The following NUTM2G variants were observed in gnomAD, a reference collection of about 807,000 sequenced individuals.
NUTM2G encodes family with sequence similarity 22, member G.
NUTM2G carries 29 observed loss-of-function variants against 44.3 expected under a neutral mutation model. The observed-to-expected ratio is 0.66, with a 90% CI of 0.49 to 0.89. NUTM2G has a LOEUF of 0.89. NUTM2G is among the 40% of genes least tolerant of loss of function. The pLI, the probability that NUTM2G is intolerant of heterozygous loss-of-function variation, is 0.00. For synonymous variants in NUTM2G, 205 were observed against 395.9 expected, an observed-to-expected ratio of 0.52 and a Z score of 5.72; for missense variants, 502 against 946.5, an observed-to-expected ratio of 0.53 and a Z score of 6.16.
intron 6 of NUTM2G, 56 bp from the exon 7 acceptor site, chr9:96,938,307 TC>T: frequency 8.8e-7 from 1 of 1,136,836 alleles, no homozygotes; most frequent in African/African-American, 1.5e-5. Context: ...TCTCCACCAT[TC>T]TGGGCCCTGC....
At chr9:96,935,579 C>A in intron 3 of NUTM2G, 123 bp downstream of exon 3, 1 of 1,570,528 alleles carries the variant, frequency 6.4e-7, no homozygotes, top group East Asian at 2.3e-5. Flanking sequence ...CACAGGACGC[C>A]CTGGGCCCCT....
chr9:96,936,657 G>T, intron 4 of NUTM2G, 93 bp downstream of exon 4: 1 of 1,491,764 alleles, frequency 6.7e-7, no homozygotes, highest in Non-Finnish European at 8.9e-7. Flanking sequence ...CCCTTCAAGA[G>T]GGGGATTTGC....
intron 5 of NUTM2G, among the ~76,000 whole-genome samples, 184 bp from the exon 6 acceptor site, chr9:96,937,701 C>G (rs1443918298): frequency 6.8e-6 from 1 of 147,866 alleles, no homozygotes; most frequent in Non-Finnish European, 1.5e-5. Context: ...GTTTGTGTGT[C>G]TCTGTATGTG....
intron 2 of NUTM2G, chr9:96,933,889 T>C (rs1342180738): frequency 6.6e-6 from 1 of 152,150 alleles, no homozygotes; most frequent in Non-Finnish European, 1.5e-5. Flanking sequence ...GCTGGGCAGG[T>C]ATTAGCATCT....
At position 96,932,260 on chromosome 9, in the gene NUTM2G, G is replaced by A. The variant is rs1285129791; in HGVS notation, c.555G>A (p.Glu185=). 1.2e-6 allele frequency: 2 copies of A among 1,613,888 alleles called. No individual in the cohort carries two copies. The highest frequency in any genetic ancestry group is 2.2e-5 in the South Asian group (2 of 91,078). ...CATGGCCACAAGGGGCTCATGGAGA[G>A]GGCAGCCTGGCTCCCTCCCAGGCCA... ...AGPWPQGAHG[E]GSLAPSQAKA... Residue 185 remains glutamate (E), a synonymous_variant, in exon 2 of 7, where the codon GAG becomes GAA. Transcript: ENST00000372322.
In NUTM2G at chr9:96,937,323, G is replaced by C; in HGVS notation, c.1242G>C (p.Gln414His). 6.2e-7 allele frequency: 1 copy of C among 1,613,950 alleles called. No individual in the cohort carries two copies. Among genetic ancestry groups the C allele is most frequent in the Non-Finnish European group, 8.5e-7 (1 of 1,179,874 alleles). Residue 414 changes from glutamine to histidine, a missense_variant, in exon 5 of 7, where the codon CAG becomes CAC. By Grantham distance (24) the Gln-to-His change is conservative (BLOSUM62 0). Coordinates refer to ENST00000372322, the MANE Select transcript of NUTM2G (RefSeq NM_001170741.3). ...AAAAGGGCAAAGTGGAGCAGCCGCAGGAAGAGGACGGGATGACCTCAGACC... is the reference window on the plus strand; with the variant it reads ...AAAAGGGCAAAGTGGAGCAGCCGCACGAAGAGGACGGGATGACCTCAGACC... ...QREKGKVEQP[Q>H]EEDGMTSDPG...
rs1368392843 is a variant in NUTM2G, at chr9:96,936,581, T to G, written c.982+17T>G. Reference sequence around the variant, plus strand: ...AGCAGCCAGGTACAGCTTCCCACATTCCCACAGGAGCCATGGCAAAGGCCA... The same window carrying G: ...AGCAGCCAGGTACAGCTTCCCACATGCCCACAGGAGCCATGGCAAAGGCCA... On this transcript the variant is annotated intron_variant, in intron 4 of 6. Transcript: ENST00000372322. The G allele has an allele frequency of 6.4e-7, 1 of 1,550,512 alleles. No homozygotes were observed. Among genetic ancestry groups the G allele is most frequent in the Non-Finnish European group, 8.7e-7 (1 of 1,155,446 alleles).
At chr9:96,941,494 AT>A (rs1826590928), downstream of NUTM2G, among the ~76,000 whole-genome samples, 2 of 150,402 alleles carry the variant, frequency 1.3e-5, no homozygotes, top group Admixed American at 1.3e-4. Flanking sequence ...TAATGATGGG[AT>A]TAGGGCCATG....
chr9:96,929,241 G>A (rs1826167762), intron 1 of NUTM2G, among the ~76,000 whole-genome samples: 1 of 152,154 alleles, frequency 6.6e-6, no homozygotes, highest in Admixed American at 6.5e-5. Flanking sequence ...GGCGGACCAA[G>A]ATGCCTGGGG....
At position 96,929,113 on chromosome 9, in the gene NUTM2G, T is replaced by G. The variant is rs972502960; in HGVS notation, c.16+73T>G. The G allele has an allele frequency of 1.6e-5, 26 of 1,606,122 alleles. 1 individual carries two copies. The highest frequency in any genetic ancestry group is 1.3e-4 in the East Asian group (6 of 44,464). On this transcript the variant is annotated intron_variant, in intron 1 of 6. Coordinates refer to ENST00000372322, the MANE Select transcript of NUTM2G (RefSeq NM_001170741.3). ...TCCTTGGGAATTCAAATTTGAACTG[T>G]CCCTGGGGACAGCTTATAGGGCTGA...
rs549841915 is a variant in NUTM2G, at chr9:96,933,187, C to T, written c.713+769C>T. ...TAGAGACGGGGTTTCACCATGTTAG[C>T]CAGGATGCTCTCAATCTCCTGCCCT... On this transcript the variant is annotated intron_variant, in intron 2 of 6. Coordinates refer to ENST00000372322, the MANE Select transcript of NUTM2G (RefSeq NM_001170741.3). 2.8e-3 allele frequency among the ~76,000 whole-genome samples: 411 copies of T among 145,760 alleles called. 4 individuals carry two copies. Among genetic ancestry groups the T allele is most frequent in the African/African-American group, 9.3e-3 (366 of 39,452 alleles).
At chr9:96,933,326 G>C (rs1826330328) in intron 2 of NUTM2G, among the ~76,000 whole-genome samples, 1 of 151,816 alleles carries the variant, frequency 6.6e-6, no homozygotes. Flanking sequence ...ACCCAGGTCA[G>C]AGAGGGTTCT....
intron 5 of NUTM2G, 22 bp from the exon 6 acceptor site, chr9:96,937,863 A>G: frequency 6.2e-7 from 1 of 1,600,432 alleles, no homozygotes; most frequent in Non-Finnish European, 8.5e-7. Context: ...GGAAGTTCAC[A>G]CCTTCTTCCT....
In NUTM2G at chr9:96,937,120, A is replaced by G; in HGVS notation, c.1039A>G (p.Arg347Gly). 1 of 1,611,666 alleles carries G rather than the reference A, an allele frequency of 6.2e-7. No individual in the cohort carries two copies. The highest frequency in any genetic ancestry group is 8.5e-7 in the Non-Finnish European group (1 of 1,179,726). The change falls in exon 5 of 7, where the codon AGG becomes GGG. Residue 347 changes from arginine (R) to glycine (G), a missense_variant. By Grantham distance (125) the Arg-to-Gly change is moderately radical. Coordinates refer to ENST00000372322, the MANE Select transcript of NUTM2G (RefSeq NM_001170741.3). Reference protein sequence around the residue: ...KAPTACLPPPRPQRPAETKAH... With the variant: ...KAPTACLPPPGPQRPAETKAH... Reference sequence around the variant, plus strand: ...CCCGACTGCCTGCCTGCCACCACCCAGGCCCCAGAGGCCAGCGGAGACCAA... The same window carrying G: ...CCCGACTGCCTGCCTGCCACCACCCGGGCCCCAGAGGCCAGCGGAGACCAA...
At chr9:96,932,487 A>T in intron 2 of NUTM2G, 69 bp downstream of exon 2, 1 of 1,132,614 alleles carries the variant, frequency 8.8e-7, no homozygotes, top group Non-Finnish European at 1.3e-6. Context: ...GATGGACAGG[A>T]GGTCACACTG....
chr9:96,937,730 T>C (rs564654571), intron 5 of NUTM2G, among the ~76,000 whole-genome samples, 155 bp from the exon 6 acceptor site: 2 of 152,196 alleles, frequency 1.3e-5, no homozygotes, highest in East Asian at 1.9e-4. Context: ...ATGAGGTCTG[T>C]GGTCTGTGCG....
At chr9:96,938,130 G>A (rs1488663891) in intron 6 of NUTM2G, 129 bp downstream of exon 6, 1 of 806,660 alleles carries the variant, frequency 1.2e-6, no homozygotes, top group Non-Finnish European at 2.0e-6. Context: ...ACTCCGGGGT[G>A]GGAAGATGCA....
At chr9:96,937,751 G>A in intron 5 of NUTM2G, 134 bp from the exon 6 acceptor site, 1 of 1,126,608 alleles carries the variant, frequency 8.9e-7, no homozygotes, top group South Asian at 1.3e-5. Context: ...TGTAGCTGGT[G>A]GTCGCCATGA....
At chr9:96,931,625 T>C (rs1190607549) in intron 1 of NUTM2G, 97 bp from the exon 2 acceptor site, 13 of 1,326,576 alleles carry the variant, frequency 9.8e-6, no homozygotes, top group Non-Finnish European at 1.4e-5. Context: ...AGTTTCCCTG[T>C]CACATGCCCT....
Sources: gnomAD v4.1 joint callset for allele counts (sites outside exome capture counted in the v4.1 genomes callset) on GRCh38, gnomAD v4.1.1 for gene constraint, MANE v1.5 for transcripts, NCBI Gene and HGNC (gene_info 2026-07-23, HGNC 2026-07-21) for gene names.